The following CTNNA2 variants were observed in gnomAD, a reference collection of about 807,000 sequenced individuals.
The protein encoded by CTNNA2 is catenin alpha-2.
CTNNA2 carries 42 observed loss-of-function variants against 101.0 expected under a neutral mutation model. The observed-to-expected ratio is 0.42, with a 90% CI of 0.32 to 0.54. The LOEUF (loss-of-function observed/expected upper bound fraction) is 0.54, where lower values mean the gene tolerates loss of function less well. Ranked by LOEUF, CTNNA2 falls within the 20% of genes least tolerant of loss-of-function variation. CTNNA2 has a pLI of 0.14. For missense variants in CTNNA2, 871 were observed against 1,223.1 expected (o/e 0.71, Z 4.29); for synonymous variants, 450 against 456.4 (o/e 0.99, Z 0.18).
At chr2:80,009,748 G>A (rs1002588864) in intron 7 of CTNNA2, among the ~76,000 whole-genome samples, 3 of 99,826 alleles carry the variant, frequency 3.0e-5, no homozygotes, top group African/African-American at 8.2e-5. Context: ...GTGTGTGTGT[G>A]TGTCAGAGAG....
intron 1 of CTNNA2, among the ~76,000 whole-genome samples, chr2:79,529,114 GA>G (rs1462985029): frequency 6.6e-6 from 1 of 152,168 alleles, no homozygotes; most frequent in East Asian, 1.9e-4. Flanking sequence ...ATTCCAGGTT[GA>G]GGGGAAAGCA....
chr2:80,626,087 A>G (rs1671654069), intron 18 of CTNNA2, among the ~76,000 whole-genome samples: 1 of 152,040 alleles, frequency 6.6e-6, no homozygotes. Flanking sequence ...TGACACACAA[A>G]TTGTTATATA....
intron 4 of CTNNA2, among the ~76,000 whole-genome samples, chr2:79,462,319 C>T (rs1382600904): frequency 6.6e-6 from 1 of 152,202 alleles, no homozygotes; most frequent in Non-Finnish European, 1.5e-5. Context: ...AGGCATGCTC[C>T]TCTTCAAGAT....
chr2:80,379,669 G>A (rs1237172236), intron 7 of CTNNA2, among the ~76,000 whole-genome samples: 1 of 152,134 alleles, frequency 6.6e-6, no homozygotes, highest in Admixed American at 6.6e-5. Flanking sequence ...GCCACAATTG[G>A]AGAGATTGAT....
At chr2:79,879,899 T>C (rs1463908947) in intron 6 of CTNNA2, among the ~76,000 whole-genome samples, 1 of 152,190 alleles carries the variant, frequency 6.6e-6, no homozygotes, top group East Asian at 1.9e-4. Context: ...TATGTATTGG[T>C]TTCCAAAGGG....
chr2:79,541,744 A>C (rs1421633595), intron 1 of CTNNA2, among the ~76,000 whole-genome samples: 1 of 42,676 alleles, frequency 2.3e-5, no homozygotes, highest in Non-Finnish European at 6.2e-5. Flanking sequence ...CTCCTGCCTC[A>C]GTTTCCTGAG....
chr2:80,460,182 T>C (rs1255466579), intron 9 of CTNNA2, among the ~76,000 whole-genome samples: 1 of 152,130 alleles, frequency 6.6e-6, no homozygotes, highest in East Asian at 1.9e-4. Context: ...AAATTGCCTT[T>C]GTGCACAGGT....
At chr2:79,491,094 G>A (rs1045594323) in intron 4 of CTNNA2, among the ~76,000 whole-genome samples, 6 of 152,090 alleles carry the variant, frequency 3.9e-5, no homozygotes, top group Non-Finnish European at 2.9e-5. Flanking sequence ...AAAATAATCT[G>A]GGGTTCACTA....
chr2:80,016,827 A>G (rs151191624), intron 7 of CTNNA2, among the ~76,000 whole-genome samples: 2,064 of 152,344 alleles, frequency 0.014, 27 homozygotes, highest in Non-Finnish European at 0.022. Flanking sequence ...TAATGAAGAT[A>G]AATGATAATC....
intron 3 of CTNNA2, among the ~76,000 whole-genome samples, chr2:79,326,746 G>A (rs1676756747): frequency 6.6e-6 from 1 of 152,120 alleles, no homozygotes; most frequent in African/African-American, 2.4e-5. Flanking sequence ...GAAAACTAGA[G>A]CTTCAAGTTG....
intron 1 of CTNNA2, among the ~76,000 whole-genome samples, chr2:79,529,963 G>A (rs1253802915): frequency 1.3e-5 from 2 of 151,930 alleles, no homozygotes; most frequent in Admixed American, 1.3e-4. Context: ...TAGCAGTTGT[G>A]CAGCCTGGTC....
At chr2:79,898,821 G>C (rs1277351347) in intron 6 of CTNNA2, among the ~76,000 whole-genome samples, 1 of 152,092 alleles carries the variant, frequency 6.6e-6, no homozygotes, top group Non-Finnish European at 1.5e-5. Flanking sequence ...CTTCTTAGAG[G>C]GTCGGGATTG....
At chr2:79,824,529 A>C (rs1678263485) in intron 3 of CTNNA2, among the ~76,000 whole-genome samples, 1 of 152,098 alleles carries the variant, frequency 6.6e-6, no homozygotes, top group Non-Finnish European at 1.5e-5. Context: ...GAGTCTGAAA[A>C]CTACTCAGTA....
intron 3 of CTNNA2, among the ~76,000 whole-genome samples, chr2:79,833,270 A>G (rs1280448961): frequency 1.3e-5 from 2 of 152,222 alleles, no homozygotes; most frequent in Non-Finnish European, 2.9e-5. Context: ...TAGGCAAAAT[A>G]GTGAAGCAGT....
chr2:79,550,740 A>G (rs760526168), intron 1 of CTNNA2, among the ~76,000 whole-genome samples: 6 of 152,164 alleles, frequency 3.9e-5, no homozygotes, highest in African/African-American at 1.2e-4. Flanking sequence ...AATCTCAGCT[A>G]TGTTCCAGTA....
intron 7 of CTNNA2, among the ~76,000 whole-genome samples, chr2:80,144,765 C>T (rs1284367967): frequency 6.6e-6 from 1 of 152,162 alleles, no homozygotes; most frequent in Non-Finnish European, 1.5e-5. Context: ...TAGTGTTGTT[C>T]TTCATTTGTT....
chr2:80,486,494 A>G (rs1331158326), intron 9 of CTNNA2, among the ~76,000 whole-genome samples: 3 of 152,190 alleles, frequency 2.0e-5, no homozygotes, highest in Non-Finnish European at 2.9e-5. Context: ...TTAAAAATTC[A>G]ATAATGAGAA....
At chr2:79,558,754 G>A (rs1674595195) in intron 1 of CTNNA2, among the ~76,000 whole-genome samples, 1 of 151,956 alleles carries the variant, frequency 6.6e-6, no homozygotes, top group African/African-American at 2.4e-5. Flanking sequence ...CAAAGACTCA[G>A]CGTTTTTGTG....
chr2:80,208,080 T>C (rs73938234), intron 7 of CTNNA2, among the ~76,000 whole-genome samples: 2,136 of 152,300 alleles, frequency 0.014, 54 homozygotes, highest in African/African-American at 0.048. Flanking sequence ...AAAATGTTTA[T>C]TGCTTAAGCA....
Sources: gnomAD v4.1 joint callset for allele counts (sites outside exome capture counted in the v4.1 genomes callset) on GRCh38, gnomAD v4.1.1 for gene constraint, MANE v1.5 for transcripts, NCBI Gene and HGNC (gene_info 2026-07-23, HGNC 2026-07-21) for gene names.